TMCC3: variants seen among roughly 807,000 people sequenced by gnomAD.
TMCC3 encodes the protein transmembrane and coiled-coil domain family 3.
Under a neutral mutation model 40.2 loss-of-function variants are expected in TMCC3, and 28 were observed. The ratio of observed to expected loss-of-function variants is 0.70; its 90% confidence interval spans 0.52 to 0.95. The LOEUF is 0.95. TMCC3 is among the 40% of genes least tolerant of loss of function. The probability of loss-of-function intolerance (pLI) is 0.00; values close to 1 mark genes in which losing one functional copy is unlikely to be tolerated. For synonymous variants in TMCC3, 255 were observed against 248.5 expected, an observed-to-expected ratio of 1.03 and a Z score of -0.25; for missense variants, 554 against 615.2, an observed-to-expected ratio of 0.90 and a Z score of 1.05.
chr12:94,590,399 T>C (rs1430828398), intron 1 of TMCC3, among the ~76,000 whole-genome samples: 2 of 151,934 alleles, frequency 1.3e-5, no homozygotes, highest in Non-Finnish European at 2.9e-5. Context: ...CAAATAACTT[T>C]ATGAAGATAA....
chr12:94,596,586 C>T (rs2068716559), intron 1 of TMCC3, among the ~76,000 whole-genome samples: 1 of 152,160 alleles, frequency 6.6e-6, no homozygotes, highest in South Asian at 2.1e-4. Context: ...GCTTATTCTT[C>T]CAAGTATGAC....
chr12:94,624,053 T>A (rs1180496310), intron 1 of TMCC3, among the ~76,000 whole-genome samples: 5 of 152,238 alleles, frequency 3.3e-5, no homozygotes, highest in Admixed American at 6.5e-5. Flanking sequence ...TTAAAAGAAA[T>A]TTTTAAAATC....
At position 94,597,120 on chromosome 12, in the gene TMCC3, A is replaced by AATATATATATATAT. The variant is rs768080145; in HGVS notation, c.79-14583_79-14582insATATATATATATAT. On this transcript the variant is annotated intron_variant, in intron 1 of 3. Coordinates refer to ENST00000261226, the MANE Select transcript of TMCC3 (RefSeq NM_020698.4). ...CACAGTAAGTCACTGTCTCTATTAA[A>AATATATATATATAT]ATACATATATATATATATATATATA... 2.6e-3 allele frequency among the ~76,000 whole-genome samples: 14 copies of AATATATATATATAT among 5,488 alleles called. 2 individuals carry two copies. Among genetic ancestry groups the AATATATATATATAT allele is most frequent in the African/African-American group, 6.2e-3 (14 of 2,242 alleles). The allele number at this position is 5,488 out of a possible 152,430, so 3.6% of individuals were successfully genotyped here.
Position 94,571,665 on chromosome 12 carries a change from T to C in TMCC3, c.1204A>G (p.Thr402Ala), listed in dbSNP as rs768113587. 2 of 1,614,110 alleles carry C rather than the reference T, an allele frequency of 1.2e-6. No individual in the cohort carries two copies. The highest frequency in any genetic ancestry group is 1.3e-5 in the African/African-American group (1 of 74,940). The change falls in exon 4 of 4, where the codon ACA (threonine) becomes GCA (alanine). Residue 402 changes from threonine (T) to alanine (A), a missense_variant. Thr to Ala is a moderately conservative substitution (Grantham distance 58). Transcript: ENST00000261226. Reference sequence around the variant, plus strand: ...AGAACTTTAGCATTCACGGTGTCTGTCTGCAGAGCTTGCTGCTCTTGCTGG... The same window carrying C: ...AGAACTTTAGCATTCACGGTGTCTGCCTGCAGAGCTTGCTGCTCTTGCTGG... ...LHQQEQQALQ[T>A]DTVNAKVLLG...
At chr12:94,598,293 A>G (rs899329546) in intron 1 of TMCC3, among the ~76,000 whole-genome samples, 1 of 152,166 alleles carries the variant, frequency 6.6e-6, no homozygotes, top group African/African-American at 2.4e-5. Flanking sequence ...TGTACGCCAA[A>G]CCATTTATCA....
rs539573150 is a variant in TMCC3, at chr12:94,648,376, A to G, written c.78+1977T>C. Among the ~76,000 whole-genome samples, 7 of 152,062 alleles carry G rather than the reference A, an allele frequency of 4.6e-5. No individual in the cohort carries two copies. The East Asian group carries it at 1.4e-3, about 29-fold the overall frequency. ...CGAGTAGCTGGGATTACAGGCGCCC[A>G]CCACCACGCCCGGCTAATTTTTGTA... On this transcript the variant is annotated intron_variant, in intron 1 of 3. Transcript: ENST00000261226.
chr12:94,569,479 A>AT lies in TMCC3; in HGVS notation c.*1955dup, dbSNP rs1264471445. ...CAATGAAAGGAGAGACAGCCATGAG[A>AT]TCAGGGTGGGACTGGTAAGGGAGCT... On this transcript the variant is annotated 3_prime_UTR_variant, in exon 4 of 4. Transcript: ENST00000261226. 1 of 152,342 alleles carries AT rather than the reference A, an allele frequency of 6.6e-6. No homozygotes were observed. Among genetic ancestry groups the AT allele is most frequent in the East Asian group, 1.9e-4 (1 of 5,194 alleles). The allele number at this position is 152,342 out of a possible 1,614,324, so 9.4% of individuals were successfully genotyped here.
intron 3 of TMCC3, among the ~76,000 whole-genome samples, chr12:94,576,306 C>T (rs1352544035): frequency 6.6e-6 from 1 of 152,180 alleles, no homozygotes; most frequent in African/African-American, 2.4e-5. Context: ...GGAATAAAAA[C>T]GTGGCCAGTT....
At chr12:94,639,272 AT>A (rs1469933423) in intron 1 of TMCC3, among the ~76,000 whole-genome samples, 1 of 152,202 alleles carries the variant, frequency 6.6e-6, no homozygotes, top group African/African-American at 2.4e-5. Context: ...AGTAACAATC[AT>A]TTATATTGAA....
intron 1 of TMCC3, among the ~76,000 whole-genome samples, chr12:94,634,613 A>C (rs554544105): frequency 1.3e-5 from 2 of 152,206 alleles, no homozygotes; most frequent in Non-Finnish European, 2.9e-5. Context: ...TCAATAGTTG[A>C]ATTTAATGTG....
At chr12:94,614,097 G>GGAA (rs2068832967) in intron 1 of TMCC3, among the ~76,000 whole-genome samples, 1 of 98,508 alleles carries the variant, frequency 1.0e-5, no homozygotes, top group Non-Finnish European at 2.0e-5. Flanking sequence ...TCCATCTCCA[G>GGAA]AAAAAAAAAA....
rs1468455766 is a variant in TMCC3 at position 94,600,684 on chromosome 12, C to A, written c.79-18146G>T. On this transcript the variant is annotated intron_variant, in intron 1 of 3. Coordinates refer to ENST00000261226, the MANE Select transcript of TMCC3 (RefSeq NM_020698.4). The stretch of plus-strand genomic sequence containing the variant: ...TTACACCATTCCCTTCCGGACACAG[C>A]ATCTCAAGGCCTCTGTCATATCCAA... 2.0e-5 allele frequency among the ~76,000 whole-genome samples: 3 copies of A among 152,192 alleles called. No homozygotes were observed. In the East Asian group the frequency reaches 5.8e-4, roughly 29 times the overall value.
At chr12:94,600,132 T>C (rs969756627) in intron 1 of TMCC3, among the ~76,000 whole-genome samples, 1 of 152,078 alleles carries the variant, frequency 6.6e-6, no homozygotes, top group Non-Finnish European at 1.5e-5. Context: ...GTTGGGGGTT[T>C]GGGGACTGGG....
intron 1 of TMCC3, among the ~76,000 whole-genome samples, chr12:94,645,008 C>G (rs2069010387): frequency 6.6e-6 from 1 of 152,208 alleles, no homozygotes; most frequent in Non-Finnish European, 1.5e-5. Flanking sequence ...TCATCATGTT[C>G]TCCTGTACAA....
intron 1 of TMCC3, among the ~76,000 whole-genome samples, chr12:94,625,424 T>G (rs1459034024): frequency 2.6e-5 from 4 of 151,480 alleles, no homozygotes; most frequent in African/African-American, 9.7e-5. Flanking sequence ...TGAAACCCTA[T>G]CTCTACTAAA....
intron 1 of TMCC3, among the ~76,000 whole-genome samples, chr12:94,616,813 C>T (rs2068850670): frequency 1.3e-5 from 2 of 152,342 alleles, no homozygotes; most frequent in Non-Finnish European, 1.5e-5. Flanking sequence ...ATGGGTCACA[C>T]CCGGAGGGTC....
At chr12:94,581,474 C>T in intron 2 of TMCC3, 148 bp downstream of exon 2, 1 of 445,270 alleles carries the variant, frequency 2.2e-6, no homozygotes, top group Middle Eastern at 6.2e-4. Flanking sequence ...AGTAACTCAT[C>T]CTTTTAAAAG....
chr12:94,578,918 A>C (rs1253565545), intron 2 of TMCC3, among the ~76,000 whole-genome samples: 1 of 152,110 alleles, frequency 6.6e-6, no homozygotes, highest in East Asian at 1.9e-4. Context: ...CCTTTTCCCT[A>C]TTCTGCCCTG....
At chr12:94,598,918 C>A in intron 1 of TMCC3, 2 of 302,388 alleles carry the variant, frequency 6.6e-6, no homozygotes, top group Non-Finnish European at 9.8e-6. Flanking sequence ...CTCCAAAACA[C>A]AGGCAACAGA....
Sources: gnomAD v4.1 joint callset for allele counts (sites outside exome capture counted in the v4.1 genomes callset) on GRCh38, gnomAD v4.1.1 for gene constraint, MANE v1.5 for transcripts, NCBI Gene and HGNC (gene_info 2026-07-23, HGNC 2026-07-21) for gene names.